Variants in KCNH7 observed in about 807,000 individuals in gnomAD.
The protein encoded by KCNH7 is voltage-gated inwardly rectifying potassium channel KCNH7.
A neutral mutation model predicts 120.8 loss-of-function variants in KCNH7; 49 were observed. The observed-to-expected ratio is 0.41, with a 90% CI of 0.32 to 0.51. The LOEUF (loss-of-function observed/expected upper bound fraction) is 0.51, where lower values mean the gene tolerates loss of function less well. Among genes scored for constraint, KCNH7 ranks in the 20% least tolerant of loss-of-function variants. The pLI is 0.38. For synonymous variants in KCNH7, 547 were observed against 516.1 expected, an observed-to-expected ratio of 1.06 and a Z score of -0.81; for missense variants, 1,097 against 1,446.6, an observed-to-expected ratio of 0.76 and a Z score of 3.92.
At chr2:162,425,005 C>T (rs940107319) in intron 8 of KCNH7, among the ~76,000 whole-genome samples, 1 of 152,106 alleles carries the variant, frequency 6.6e-6, no homozygotes, top group Non-Finnish European at 1.5e-5. Context: ...GCAGATTGTC[C>T]TCCCCACTGT....
intron 6 of KCNH7, among the ~76,000 whole-genome samples, chr2:162,452,240 T>C (rs543334821): frequency 1.5e-4 from 23 of 152,182 alleles, no homozygotes; most frequent in African/African-American, 5.5e-4. Flanking sequence ...TTACTATTTA[T>C]TTATAATAAA....
At chr2:162,522,424 C>A (rs1257196954) in intron 3 of KCNH7, among the ~76,000 whole-genome samples, 2 of 151,844 alleles carry the variant, frequency 1.3e-5, no homozygotes, top group African/African-American at 4.8e-5. Flanking sequence ...TTCTGCATCA[C>A]TAGGTTAATA....
At chr2:162,703,401 T>C (rs1348397275) in intron 2 of KCNH7, among the ~76,000 whole-genome samples, 1 of 152,174 alleles carries the variant, frequency 6.6e-6, no homozygotes, top group Non-Finnish European at 1.5e-5. Context: ...AACTCTTAAC[T>C]TTTAATTTTA....
At chr2:162,775,859 T>C (rs1331841099) in intron 2 of KCNH7, among the ~76,000 whole-genome samples, 1 of 152,192 alleles carries the variant, frequency 6.6e-6, no homozygotes, top group Non-Finnish European at 1.5e-5. Context: ...AGATCAACAG[T>C]GTGGATGCCA....
chr2:162,796,512 A>G (rs528504348), intron 2 of KCNH7: 1 of 152,234 alleles, frequency 6.6e-6, no homozygotes, highest in African/African-American at 2.4e-5. Context: ...GCTAGTTTAG[A>G]GGTTCTTTCC....
At chr2:162,795,113 T>C (rs1684092810) in intron 2 of KCNH7, among the ~76,000 whole-genome samples, 1 of 152,084 alleles carries the variant, frequency 6.6e-6, no homozygotes, top group Non-Finnish European at 1.5e-5. Flanking sequence ...TCTCATTTCA[T>C]AGATACAAGC....
chr2:162,495,110 T>C (rs1221535051), intron 6 of KCNH7, among the ~76,000 whole-genome samples: 1 of 152,170 alleles, frequency 6.6e-6, no homozygotes, highest in Non-Finnish European at 1.5e-5. Flanking sequence ...GGCAATATAT[T>C]TATTTGCATC....
At chr2:162,594,059 C>A (rs894759946) in intron 2 of KCNH7, among the ~76,000 whole-genome samples, 10 of 151,976 alleles carry the variant, frequency 6.6e-5, no homozygotes, top group Non-Finnish European at 1.3e-4. Flanking sequence ...CATCTGGGAA[C>A]ACTTTTCTTT....
chr2:162,559,405 A>G (rs1034457680), intron 2 of KCNH7, among the ~76,000 whole-genome samples: 1 of 152,208 alleles, frequency 6.6e-6, no homozygotes, highest in African/African-American at 2.4e-5. Flanking sequence ...GATTAGTGAT[A>G]AAGGTGTTAA....
At chr2:162,733,110 T>C (rs1687782191) in intron 2 of KCNH7, among the ~76,000 whole-genome samples, 1 of 152,160 alleles carries the variant, frequency 6.6e-6, no homozygotes, top group African/African-American at 2.4e-5. Flanking sequence ...TTCCAGGAAG[T>C]GGGCTTGGCT....
At position 162,468,512 on chromosome 2, in the gene KCNH7, C is replaced by CTTTTTTTT. The variant is rs1166606647; in HGVS notation, c.1129-22077_1129-22070dup. ...CTTGGGCAAGGTATTTATTCTTTTCCTTTTTTTTTTTTTTTTTTTTTTTTT... is the reference window on the plus strand; with the variant it reads ...CTTGGGCAAGGTATTTATTCTTTTCCTTTTTTTTTTTTTTTTTTTTTTTTTTTTTTTTT... On this transcript the variant is annotated intron_variant, in intron 6 of 15. Transcript: ENST00000332142. Among the ~76,000 whole-genome samples, 3 of 78,918 alleles carry CTTTTTTTT rather than the reference C, an allele frequency of 3.8e-5. 1 individual carries two copies. Among genetic ancestry groups the CTTTTTTTT allele is most frequent in the African/African-American group, 2.0e-4 (3 of 14,896 alleles). The allele number at this position is 78,918 out of a possible 152,430, so 51.8% of individuals were successfully genotyped here.
At chr2:162,652,720 C>A (rs189363154) in intron 2 of KCNH7, among the ~76,000 whole-genome samples, 300 of 152,232 alleles carry the variant, frequency 2.0e-3, no homozygotes, top group Middle Eastern at 3.4e-3. Flanking sequence ...GTCCATGGCC[C>A]GGGGGCTGGG....
intron 2 of KCNH7, among the ~76,000 whole-genome samples, chr2:162,550,139 G>A (rs185477200): frequency 2.0e-5 from 3 of 152,250 alleles, no homozygotes; most frequent in Admixed American, 6.5e-5. Flanking sequence ...TAGAGACATC[G>A]AATGGTATTT....
At chr2:162,752,931 AAGAAAAG>A (rs1688625158) in intron 2 of KCNH7, among the ~76,000 whole-genome samples, 17 of 86,334 alleles carry the variant, frequency 2.0e-4, no homozygotes, top group Admixed American at 3.5e-4. Context: ...AAGAAAAGAA[AAGAAAAG>A]AAAAGAAAAG....
intron 2 of KCNH7, among the ~76,000 whole-genome samples, chr2:162,652,236 T>C (rs977412522): frequency 2.0e-5 from 3 of 152,218 alleles, no homozygotes; most frequent in African/African-American, 7.2e-5. Flanking sequence ...AGCAGTGTAT[T>C]CTTGGGAAAA....
chr2:162,656,318 T>G (rs987129425), intron 2 of KCNH7, among the ~76,000 whole-genome samples: 1 of 152,204 alleles, frequency 6.6e-6, no homozygotes, highest in South Asian at 2.1e-4. Flanking sequence ...TCATAAAGTC[T>G]GTAAAGACCA....
At chr2:162,693,224 T>C (rs922961255) in intron 2 of KCNH7, among the ~76,000 whole-genome samples, 5 of 152,196 alleles carry the variant, frequency 3.3e-5, no homozygotes, top group African/African-American at 1.2e-4. Flanking sequence ...GGCTTAACTC[T>C]GATTCTTCAT....
At chr2:162,469,768 A>C (rs1689434873) in intron 6 of KCNH7, among the ~76,000 whole-genome samples, 1 of 149,520 alleles carries the variant, frequency 6.7e-6, no homozygotes, top group Admixed American at 6.7e-5. Flanking sequence ...CTGAAGCTGG[A>C]CTGTGCTGCC....
At chr2:162,837,226 G>A (rs1322310200) in intron 1 of KCNH7, among the ~76,000 whole-genome samples, 1 of 152,026 alleles carries the variant, frequency 6.6e-6, no homozygotes, top group African/African-American at 2.4e-5. Context: ...ATTATTCTTT[G>A]GCTTCTCCCT....
Sources: gnomAD v4.1 joint callset for allele counts (sites outside exome capture counted in the v4.1 genomes callset) on GRCh38, gnomAD v4.1.1 for gene constraint, MANE v1.5 for transcripts, NCBI Gene and HGNC (gene_info 2026-07-23, HGNC 2026-07-21) for gene names.